CCDC57: variants seen among roughly 807,000 people sequenced by gnomAD.
The protein encoded by CCDC57 is coiled-coil domain-containing protein 57.
In CCDC57, 118 loss-of-function variants were observed where a neutral mutation model predicts 118.9. The observed-to-expected ratio is 0.99, with a 90% CI of 0.86 to 1.16. The LOEUF is 1.16. Ranked by LOEUF, CCDC57 falls within the 50% of genes most tolerant of loss-of-function variation. CCDC57 has a pLI of 0.00. For synonymous variants in CCDC57, 527 were observed against 532.9 expected (o/e 0.99, Z 0.15); for missense variants, 1,300 against 1,320.7 (o/e 0.98, Z 0.24).
intron 2 of CCDC57, among the ~76,000 whole-genome samples, chr17:82,202,265 G>A (rs929793158): frequency 5.9e-5 from 9 of 152,236 alleles, no homozygotes; most frequent in Non-Finnish European, 7.4e-5. Flanking sequence ...TCAGGAGATC[G>A]AGACCAGCCT....
chr17:82,113,364 G>T, intron 19 of CCDC57: 1 of 716,818 alleles, frequency 1.4e-6, no homozygotes, highest in South Asian at 1.5e-5. Context: ...TCACCAGCGT[G>T]ACCTGCTCTC....
intron 2 of CCDC57, among the ~76,000 whole-genome samples, chr17:82,204,179 C>A (rs1009805379): frequency 6.6e-6 from 1 of 152,160 alleles, no homozygotes; most frequent in African/African-American, 2.4e-5. Context: ...CCCCCGCGCC[C>A]AGCACCCTAG....
rs1046260208 is a variant in CCDC57 at position 82,118,562 on chromosome 17, C to G, written c.2899+9130G>C. On this transcript the variant is annotated intron_variant, in intron 19 of 19. Coordinates refer to ENST00000665763, the Ensembl canonical transcript of CCDC57. This position sits in a 1 kb window ranked among gnomAD's most constrained non-coding sequence, Gnocchi z 4.7. Reference sequence around the variant, plus strand: ...CGGCTCCTGAAAGGACATTTGGGCACTTGATACACACCCATAAGGTGCACT... The same window carrying G: ...CGGCTCCTGAAAGGACATTTGGGCAGTTGATACACACCCATAAGGTGCACT... 6.6e-6 allele frequency among the ~76,000 whole-genome samples: 1 copy of G among 152,080 alleles called. No homozygotes were observed. The highest frequency in any genetic ancestry group is 2.4e-5 in the African/African-American group (1 of 41,418).
At chr17:82,110,842 T>C (rs1195294327) in intron 19 of CCDC57, among the ~76,000 whole-genome samples, 1 of 152,004 alleles carries the variant, frequency 6.6e-6, no homozygotes, top group Non-Finnish European at 1.5e-5. Context: ...CTGACCAACA[T>C]GGAGAAACCC....
chr17:82,126,940 G>A (rs925262008), intron 19 of CCDC57: 2 of 985,228 alleles, frequency 2.0e-6, no homozygotes, highest in South Asian at 4.7e-5. Flanking sequence ...AAGGACGCAC[G>A]CTCCCGCCCC....
intron 16 of CCDC57, among the ~76,000 whole-genome samples, chr17:82,135,758 G>C (rs1207132385): frequency 2.0e-5 from 3 of 152,088 alleles, no homozygotes; most frequent in African/African-American, 7.2e-5. Flanking sequence ...AGGTTGGCTG[G>C]GATCAACAGG....
At position 82,210,658 on chromosome 17, in the gene CCDC57, C is replaced by CGA. The variant is rs778778507; in HGVS notation, c.-211+2125_-211+2126dup. ...TCAAGCCACTGCACTCCAGCTTGGG[C>CGA]GAGAGAGAGAGAGACTCAGTCTCAA... On this transcript the variant is annotated intron_variant, in intron 1 of 19. Coordinates refer to ENST00000665763, the Ensembl canonical transcript of CCDC57. Among the ~76,000 whole-genome samples the CGA allele has an allele frequency of 1.0e-2, 1,420 of 142,252 alleles. 20 individuals are homozygous for CGA. The highest frequency in any genetic ancestry group is 0.036 in the African/African-American group (1,360 of 38,186). The allele number at this position is 142,252 out of a possible 152,430, so 93.3% of individuals were successfully genotyped here. A position where few individuals can be genotyped will look rare whatever the true frequency, so the allele number is the denominator to read the frequency against.
intron 1 of CCDC57, among the ~76,000 whole-genome samples, chr17:82,210,515 T>C (rs1340002565): frequency 1.1e-4 from 11 of 102,086 alleles, no homozygotes; most frequent in African/African-American, 1.7e-4. Flanking sequence ...CTACTAAAAA[T>C]ACAAAAAAAA....
intron 19 of CCDC57, among the ~76,000 whole-genome samples, chr17:82,110,211 C>A (rs2035147792): frequency 6.6e-6 from 1 of 152,070 alleles, no homozygotes; most frequent in Non-Finnish European, 1.5e-5. Flanking sequence ...GAACTCCTGA[C>A]CTCAAGTGAT....
At chr17:82,151,608 G>C in exon 16 of CCDC57, 1 of 1,550,390 alleles carries the variant, frequency 6.4e-7, no homozygotes, top group Admixed American at 2.0e-5. Context: ...ATCTCGATGA[G>C]CTGCTCTTTC....
chr17:82,128,534 C>A (rs1377006674), exon 18 of CCDC57: 4 of 1,574,362 alleles, frequency 2.5e-6, no homozygotes, highest in Non-Finnish European at 3.5e-6. Context: ...CCCACCTGTG[C>A]TGAGCGGGGC....
rs541130650 is a variant in CCDC57, at chr17:82,145,110, C to G, written c.2455+6450G>C. Among the ~76,000 whole-genome samples the G allele has an allele frequency of 1.9e-4, 29 of 151,034 alleles. No homozygotes were observed. The East Asian group carries it at 5.6e-3, about 29-fold the overall frequency. On this transcript the variant is annotated intron_variant, in intron 16 of 19. Transcript: ENST00000665763. ...TGATCTTGGCTCACAGCAAACTCCA[C>G]CTCTCGGGTTCGAGATTCTCCTGCC... is the stretch of plus-strand genomic sequence containing the variant.
chr17:82,176,676 C>T (rs940964785), intron 11 of CCDC57, among the ~76,000 whole-genome samples: 2 of 152,186 alleles, frequency 1.3e-5, no homozygotes, highest in African/African-American at 4.8e-5. Flanking sequence ...TGCTGGACTT[C>T]GTAGCCCCCA....
chr17:82,188,171 C>T (rs534136246), intron 8 of CCDC57, 48 bp downstream of exon 7: 33 of 1,476,426 alleles, frequency 2.2e-5, no homozygotes, highest in Admixed American at 1.5e-4. Context: ...AGCACAGCCA[C>T]GGCCGTCCCT....
At chr17:82,139,796 T>C (rs1178494098) in intron 16 of CCDC57, among the ~76,000 whole-genome samples, 2 of 152,172 alleles carry the variant, frequency 1.3e-5, no homozygotes, top group Non-Finnish European at 2.9e-5. Flanking sequence ...GGCATTTAGA[T>C]GACACTGAGC....
At chr17:82,143,943 C>CAAAAAAAAAAAA (rs60893321) in intron 16 of CCDC57, among the ~76,000 whole-genome samples, 2 of 120,926 alleles carry the variant, frequency 1.7e-5, no homozygotes, top group South Asian at 2.5e-4. Context: ...ACTAAAAATA[C>CAAAAAAAAAAAA]AAAAAAAAAA....
chr17:82,132,660 TCCTCTCACCTCAA>T (rs1181256117), intron 17 of CCDC57, among the ~76,000 whole-genome samples: 1 of 151,884 alleles, frequency 6.6e-6, no homozygotes, highest in Non-Finnish European at 1.5e-5. Context: ...GCTCAAGCAG[TCCTCTCACCTCAA>T]CCTCCTGAGT....
chr17:82,128,676 T>C (rs1438525065), intron 17 of CCDC57, 79 bp from the exon 17 acceptor site: 2 of 1,188,912 alleles, frequency 1.7e-6, no homozygotes, highest in Admixed American at 2.2e-5. Flanking sequence ...TCCCACAAGA[T>C]TGGGAAGAAA....
chr17:82,140,043 T>A (rs1363228103), intron 16 of CCDC57, among the ~76,000 whole-genome samples: 1 of 152,214 alleles, frequency 6.6e-6, no homozygotes, highest in Non-Finnish European at 1.5e-5. Context: ...TAGTCTCTGC[T>A]TTTGTGAATC....
Sources: gnomAD v4.1 joint callset for allele counts (sites outside exome capture counted in the v4.1 genomes callset) on GRCh38, gnomAD v4.1.1 for gene constraint, Gnocchi (gnomAD v3.1) non-coding constraint, MANE v1.5 for transcripts, NCBI Gene and HGNC (gene_info 2026-07-23, HGNC 2026-07-21) for gene names.